The following ROBO1 variants were observed in gnomAD, a reference collection of about 807,000 sequenced individuals.
The protein encoded by ROBO1 is roundabout homolog 1.
ROBO1 carries 149 observed loss-of-function variants against 195.9 expected under a neutral mutation model. That is an observed-to-expected ratio of 0.76 (90% CI 0.67 to 0.87). The LOEUF (loss-of-function observed/expected upper bound fraction) is 0.87, where lower values mean the gene tolerates loss of function less well. ROBO1 is among the 40% of genes least tolerant of loss of function. The pLI, the probability that ROBO1 is intolerant of heterozygous loss-of-function variation, is 0.00. For synonymous variants in ROBO1, 816 were observed against 733.2 expected, an observed-to-expected ratio of 1.11 and a Z score of -1.82; for missense variants, 1,933 against 2,068.3, an observed-to-expected ratio of 0.93 and a Z score of 1.27.
intron 1 of ROBO1, among the ~76,000 whole-genome samples, chr3:79,765,305 G>T (rs941908701): frequency 6.6e-6 from 1 of 152,178 alleles, no homozygotes; most frequent in African/African-American, 2.4e-5. Context: ...TCCCTCATGG[G>T]AGAGGTATAG....
intron 4 of ROBO1, among the ~76,000 whole-genome samples, chr3:78,828,333 A>C (rs1300602331): frequency 6.6e-6 from 1 of 152,194 alleles, no homozygotes; most frequent in East Asian, 1.9e-4. Context: ...AACAAGCTCC[A>C]GAGAATTTCC....
At chr3:78,607,337 C>T (rs762853803) in intron 28 of ROBO1, 7 of 323,570 alleles carry the variant, frequency 2.2e-5, no homozygotes, top group East Asian at 6.5e-5. Context: ...CTCAGCCTCC[C>T]GAGTAGCTAG....
intron 4 of ROBO1, among the ~76,000 whole-genome samples, chr3:78,912,556 G>A (rs974768076): frequency 2.0e-5 from 3 of 152,270 alleles, no homozygotes; most frequent in East Asian, 3.9e-4. Flanking sequence ...TAGCATGGGA[G>A]ACAGGGTGTT....
chr3:79,520,877 T>G (rs1165174801), intron 2 of ROBO1, among the ~76,000 whole-genome samples: 1 of 151,948 alleles, frequency 6.6e-6, no homozygotes, highest in East Asian at 1.9e-4. Context: ...AAAAATACTT[T>G]GAGTGAGAGA....
At chr3:78,901,961 T>G (rs2037618292) in intron 4 of ROBO1, among the ~76,000 whole-genome samples, 1 of 152,154 alleles carries the variant, frequency 6.6e-6, no homozygotes, top group Non-Finnish European at 1.5e-5. Flanking sequence ...ATTTCAAAAT[T>G]TTATTTTCTT....
chr3:79,589,364 C>T (rs1018795427), intron 2 of ROBO1, among the ~76,000 whole-genome samples: 1 of 151,636 alleles, frequency 6.6e-6, no homozygotes, highest in Non-Finnish European at 1.5e-5. Context: ...CAGCATGTTG[C>T]TTTTTTATTC....
intron 4 of ROBO1, among the ~76,000 whole-genome samples, chr3:78,837,823 C>CAT (rs1164926118): frequency 6.6e-6 from 1 of 152,032 alleles, no homozygotes; most frequent in African/African-American, 2.4e-5. Context: ...TAAAGCAACA[C>CAT]ATATACACAT....
intron 2 of ROBO1, among the ~76,000 whole-genome samples, chr3:79,316,094 T>C (rs1016971689): frequency 6.6e-6 from 1 of 152,164 alleles, no homozygotes; most frequent in Admixed American, 6.6e-5. Flanking sequence ...TATAAAGGAA[T>C]AGTCATCTAA....
intron 2 of ROBO1, among the ~76,000 whole-genome samples, chr3:79,484,327 G>A (rs1939032533): frequency 6.6e-6 from 1 of 152,150 alleles, no homozygotes; most frequent in Admixed American, 6.5e-5. Flanking sequence ...CGTGAAGCCA[G>A]AACCCTGCGG....
intron 2 of ROBO1, among the ~76,000 whole-genome samples, chr3:79,233,263 G>A (rs1457861549): frequency 6.6e-6 from 1 of 151,874 alleles, no homozygotes; most frequent in Non-Finnish European, 1.5e-5. Context: ...CCCCCAAATG[G>A]GACTTTATTT....
chr3:79,018,456 A>C (rs767239440), intron 3 of ROBO1: 2 of 1,613,942 alleles, frequency 1.2e-6, no homozygotes, highest in South Asian at 1.1e-5. Context: ...CGGGCTCCGC[A>C]ATCATTGTCC....
intron 2 of ROBO1, among the ~76,000 whole-genome samples, chr3:79,196,243 T>A (rs2081631462): frequency 6.6e-6 from 1 of 150,952 alleles, no homozygotes; most frequent in Admixed American, 6.6e-5. Context: ...ATCTATCACT[T>A]CACGTAGAGC....
intron 2 of ROBO1, among the ~76,000 whole-genome samples, chr3:79,181,285 T>C (rs1242370159): frequency 6.6e-6 from 1 of 152,232 alleles, no homozygotes; most frequent in Non-Finnish European, 1.5e-5. Context: ...GATGGTAAGC[T>C]ACCTAATCAC....
intron 3 of ROBO1, among the ~76,000 whole-genome samples, chr3:78,979,028 A>G (rs1309120029): frequency 1.3e-5 from 2 of 152,164 alleles, no homozygotes; most frequent in Non-Finnish European, 2.9e-5. Flanking sequence ...AAAACGGAAA[A>G]CACATCACCA....
chr3:78,619,001 A>G (rs1704291488), intron 26 of ROBO1, among the ~76,000 whole-genome samples: 1 of 152,142 alleles, frequency 6.6e-6, no homozygotes, highest in Non-Finnish European at 1.5e-5. Context: ...AGTCATCCCC[A>G]TGGGAGGAGA....
intron 2 of ROBO1, among the ~76,000 whole-genome samples, chr3:79,482,981 A>G (rs987139517): frequency 2.6e-5 from 4 of 152,168 alleles, no homozygotes; most frequent in Non-Finnish European, 5.9e-5. Flanking sequence ...AAACTCCTCA[A>G]CAACAACAGG....
intron 3 of ROBO1, among the ~76,000 whole-genome samples, chr3:79,108,568 T>C (rs6794348): frequency 0.089 from 13,511 of 151,810 alleles, 863 homozygotes; most frequent in East Asian, 0.2. Context: ...TATTTCTGTG[T>C]ATCACTACTG....
At chr3:79,534,196 A>G (rs896364269) in intron 2 of ROBO1, among the ~76,000 whole-genome samples, 21 of 148,608 alleles carry the variant, frequency 1.4e-4, no homozygotes, top group Non-Finnish European at 2.2e-4. Context: ...TCACCAGAGC[A>G]TCCAGAAAAG....
intron 1 of ROBO1, among the ~76,000 whole-genome samples, chr3:79,752,367 T>G (rs1465810337): frequency 6.6e-6 from 1 of 152,158 alleles, no homozygotes; most frequent in Admixed American, 6.5e-5. Flanking sequence ...CTGGTAGCAA[T>G]GGACATAGAG....
Sources: allele counts gnomAD v4.1 joint callset (sites outside exome capture counted in the v4.1 genomes callset), GRCh38; gene constraint gnomAD v4.1.1; transcripts MANE v1.5; gene names NCBI Gene and HGNC (gene_info 2026-07-23, HGNC 2026-07-21).